EXT1: variants seen among roughly 807,000 people sequenced by gnomAD.
EXT1 encodes the protein exostosin-1.
EXT1 carries 20 observed loss-of-function variants against 82.5 expected under a neutral mutation model. The ratio of observed to expected loss-of-function variants is 0.24; its 90% CI spans 0.17 to 0.35. The LOEUF is 0.35. EXT1 is among the 10% of genes least tolerant of loss of function. The pLI, the probability that EXT1 is intolerant of heterozygous loss-of-function variation, is 1.00. For missense variants in EXT1, 757 were observed against 936.5 expected (o/e 0.81, Z 2.50); for synonymous variants, 348 against 350.8 (o/e 0.99, Z 0.09).
Position 117,798,877 on chromosome 8 carries a change from C to T in EXT1, c.*835G>A, listed in dbSNP as rs1280376800. On this transcript the variant is annotated 3_prime_UTR_variant, in exon 11 of 11. Coordinates refer to ENST00000378204, the MANE Select transcript of EXT1 (RefSeq NM_000127.3). ...AATGGTTGAATCTATAACCGTGCCC[C>T]CAACCCCTGCAAGTATTGGGTTACT... The T allele has an allele frequency of 6.6e-6, 1 of 152,230 alleles. No individual in the cohort carries two copies. The highest frequency in any genetic ancestry group is 1.5e-5 in the Non-Finnish European group (1 of 68,066). The allele number at this position is 152,230 out of a possible 1,614,324, so 9.4% of individuals were successfully genotyped here.
At chr8:118,002,692 C>T (rs947123218) in intron 1 of EXT1, among the ~76,000 whole-genome samples, 2 of 151,744 alleles carry the variant, frequency 1.3e-5, no homozygotes, top group Non-Finnish European at 2.9e-5. Context: ...CCACCACGCC[C>T]CCCTAATTTT....
intron 1 of EXT1, among the ~76,000 whole-genome samples, chr8:118,040,553 C>T (rs748611787): frequency 2.6e-5 from 4 of 152,216 alleles, no homozygotes; most frequent in Admixed American, 6.5e-5. Flanking sequence ...ACAATTGCAA[C>T]AAGGCAGACA....
intron 1 of EXT1, among the ~76,000 whole-genome samples, chr8:117,976,392 C>T (rs569349058): frequency 2.0e-5 from 3 of 152,262 alleles, no homozygotes; most frequent in East Asian, 1.9e-4. Flanking sequence ...CACAGTAGAA[C>T]GTGTAAACAC....
intron 1 of EXT1, among the ~76,000 whole-genome samples, chr8:117,965,761 C>G (rs1162209452): frequency 6.6e-6 from 1 of 152,086 alleles, no homozygotes; most frequent in Non-Finnish European, 1.5e-5. Flanking sequence ...AAGCTACTTT[C>G]TTAGAATTAG....
intron 1 of EXT1, among the ~76,000 whole-genome samples, chr8:117,989,382 T>C (rs1377139572): frequency 6.6e-6 from 1 of 152,138 alleles, no homozygotes; most frequent in Non-Finnish European, 1.5e-5. Flanking sequence ...TGTGTTTATT[T>C]CTGCTTCCAT....
chr8:118,090,066 A>G (rs1024595427), intron 1 of EXT1, among the ~76,000 whole-genome samples: 2 of 152,196 alleles, frequency 1.3e-5, no homozygotes, highest in Non-Finnish European at 2.9e-5. Context: ...CATCCTTTTC[A>G]GTGGTGGTGA....
intron 1 of EXT1, among the ~76,000 whole-genome samples, chr8:118,041,558 G>A (rs531301748): frequency 6.6e-6 from 1 of 151,990 alleles, no homozygotes; most frequent in Non-Finnish European, 1.5e-5. Flanking sequence ...CCCATGCATC[G>A]TGTTCCTCAA....
At chr8:117,864,085 C>A (rs1005706938) in intron 1 of EXT1, among the ~76,000 whole-genome samples, 6 of 152,126 alleles carry the variant, frequency 3.9e-5, no homozygotes, top group African/African-American at 1.2e-4. Flanking sequence ...CCTACTCCGT[C>A]CTCTCAAAAG....
chr8:118,006,674 A>T (rs1470515010), intron 1 of EXT1, among the ~76,000 whole-genome samples: 1 of 152,198 alleles, frequency 6.6e-6, no homozygotes, highest in East Asian at 1.9e-4. Flanking sequence ...TTCCATCTAA[A>T]CTGTCTGAAT....
chr8:118,011,820 T>C (rs1037539381), intron 1 of EXT1, among the ~76,000 whole-genome samples: 11 of 152,160 alleles, frequency 7.2e-5, no homozygotes, highest in African/African-American at 2.4e-4. Flanking sequence ...TCCAAACGCA[T>C]CTTTGATCTC....
At chr8:117,856,296 C>G (rs533357292) in intron 1 of EXT1, among the ~76,000 whole-genome samples, 18 of 150,876 alleles carry the variant, frequency 1.2e-4, no homozygotes, top group Non-Finnish European at 2.5e-4. Context: ...GCTCTGTTGC[C>G]CAGGCTGGAG....
intron 1 of EXT1, among the ~76,000 whole-genome samples, chr8:118,090,305 T>C (rs929219379): frequency 6.6e-6 from 1 of 152,012 alleles, no homozygotes; most frequent in African/African-American, 2.4e-5. Context: ...CACGTCCTGC[T>C]GGCACTCCAG....
intron 1 of EXT1, among the ~76,000 whole-genome samples, chr8:118,019,645 C>A (rs1025357488): frequency 1.3e-4 from 20 of 152,218 alleles, no homozygotes; most frequent in Admixed American, 2.6e-4. Context: ...CCACCATACC[C>A]AACAATGCTC....
chr8:118,029,861 T>C (rs1004215500), intron 1 of EXT1, among the ~76,000 whole-genome samples: 3 of 152,206 alleles, frequency 2.0e-5, no homozygotes, highest in African/African-American at 7.2e-5. Context: ...TTATTGATTT[T>C]GAGCACAAAT....
chr8:117,896,224 G>A (rs533084927), intron 1 of EXT1, among the ~76,000 whole-genome samples: 97 of 152,238 alleles, frequency 6.4e-4, no homozygotes, highest in African/African-American at 2.3e-3. Flanking sequence ...ATCAAGAAGA[G>A]TTTCTATTTA....
At chr8:117,958,904 T>G (rs1814640918) in intron 1 of EXT1, among the ~76,000 whole-genome samples, 2 of 152,208 alleles carry the variant, frequency 1.3e-5, no homozygotes, top group Admixed American at 1.3e-4. Flanking sequence ...GCTCCCCTAC[T>G]AAACATTCCC....
At chr8:118,053,252 G>C (rs1370054629) in intron 1 of EXT1, among the ~76,000 whole-genome samples, 1 of 152,162 alleles carries the variant, frequency 6.6e-6, no homozygotes. Context: ...AAGCCCTTTT[G>C]TGGTCTGTGG....
At chr8:117,932,102 G>A (rs1814071616) in intron 1 of EXT1, among the ~76,000 whole-genome samples, 1 of 152,110 alleles carries the variant, frequency 6.6e-6, no homozygotes, top group African/African-American at 2.4e-5. Flanking sequence ...AAACTCAATT[G>A]TCCATATTGA....
In EXT1 at chr8:117,825,467, T is replaced by TACAC. The variant is rs371496697; in HGVS notation, c.1285-2874_1285-2871dup. ...CTTCTTTGGCTATAAACAAAATCAA[T>TACAC]ACACACACACACATACACAAACAGA... On this transcript the variant is annotated intron_variant, in intron 4 of 10. Coordinates refer to ENST00000378204, the MANE Select transcript of EXT1 (RefSeq NM_000127.3). Among the ~76,000 whole-genome samples the TACAC allele has an allele frequency of 1.1e-4, 17 of 152,040 alleles. No individual in the cohort carries two copies. The South Asian group carries it at 3.5e-3, about 32-fold the overall frequency.
Sources: allele counts gnomAD v4.1 joint callset (sites outside exome capture counted in the v4.1 genomes callset), GRCh38; gene constraint gnomAD v4.1.1; transcripts MANE v1.5; gene names NCBI Gene and HGNC (gene_info 2026-07-23, HGNC 2026-07-21).